The following MAD1L1 variants were observed in gnomAD, a reference collection of about 807,000 sequenced individuals.
MAD1L1 encodes the protein mitotic arrest deficient 1 like 1.
MAD1L1 carries 95 observed loss-of-function variants against 96.9 expected under a neutral mutation model. The observed-to-expected ratio is 0.98, with a 90% confidence interval of 0.83 to 1.16. The LOEUF (loss-of-function observed/expected upper bound fraction) is 1.16. MAD1L1 is among the 50% of genes most tolerant of loss of function. MAD1L1 has a pLI of 0.00. For missense variants in MAD1L1, 1,007 were observed against 954.4 expected (o/e 1.06, Z -0.73); for synonymous variants, 473 against 396.6 (o/e 1.19, Z -2.29).
chr7:2,025,348 G>A (rs775271007), intron 12 of MAD1L1, among the ~76,000 whole-genome samples: 12 of 152,210 alleles, frequency 7.9e-5, no homozygotes, highest in Non-Finnish European at 1.5e-4. Flanking sequence ...GCTTGTTTCC[G>A]AGCAGAACCA....
chr7:2,221,877 CAG>C (rs1444110212), intron 5 of MAD1L1, among the ~76,000 whole-genome samples: 1 of 152,174 alleles, frequency 6.6e-6, no homozygotes, highest in Non-Finnish European at 1.5e-5. Flanking sequence ...ACAACGGCTG[CAG>C]AGACCGCCAT....
rs116131417 is a variant in MAD1L1, at chr7:1,880,768, C to T, written c.1998+17432G>A. Among the ~76,000 whole-genome samples, 552 of 152,320 alleles carry T rather than the reference C, an allele frequency of 3.6e-3. 3 individuals are homozygous for T. Among genetic ancestry groups the T allele is most frequent in the South Asian group, 8.7e-3 (42 of 4,822 alleles). The stretch of plus-strand genomic sequence containing the variant: ...TAGGGCGTCCCAGTCACTCACAGGA[C>T]CCTGTGGAGGCAGGGATCTCACTGC... On this transcript the variant is annotated intron_variant, in intron 18 of 18. Transcript: ENST00000265854.
Position 2,120,240 on chromosome 7 carries a change from C to T in MAD1L1, c.1073+28912G>A, listed in dbSNP as rs1421954754. Among the ~76,000 whole-genome samples, 5 of 152,224 alleles carry T rather than the reference C, an allele frequency of 3.3e-5. No homozygotes were observed. The South Asian group carries it at 6.2e-4, about 19-fold the overall frequency. On this transcript the variant is annotated intron_variant, in intron 11 of 18. Transcript: ENST00000265854. ...AGGACCATTCCTTACAGACTGGCTG[C>T]GGCGTGTGCTTACCCCAACAGCCCC...
chr7:2,191,780 C>A (rs927564205), intron 10 of MAD1L1, among the ~76,000 whole-genome samples: 2 of 151,792 alleles, frequency 1.3e-5, no homozygotes, highest in Admixed American at 6.6e-5. Context: ...CGCCTGTAAT[C>A]CCAGCACTTT....
At chr7:1,925,245 G>A (rs531128980) in intron 17 of MAD1L1, among the ~76,000 whole-genome samples, 5 of 152,152 alleles carry the variant, frequency 3.3e-5, no homozygotes, top group South Asian at 4.1e-4. Context: ...AAAGTGAATC[G>A]TAGAAAGTGC....
At chr7:2,031,384 C>A (rs1383004487) in intron 12 of MAD1L1, among the ~76,000 whole-genome samples, 1 of 152,242 alleles carries the variant, frequency 6.6e-6, no homozygotes, top group African/African-American at 2.4e-5. Context: ...GGCTCCCCAC[C>A]AGCAAGCCTG....
chr7:2,075,363 C>T (rs781390937), intron 11 of MAD1L1, among the ~76,000 whole-genome samples: 23 of 152,214 alleles, frequency 1.5e-4, no homozygotes, highest in Admixed American at 6.5e-4. Context: ...GCACCGGGAC[C>T]CAGCACGCTG....
chr7:1,841,742 C>T (rs2128632908), intron 18 of MAD1L1, among the ~76,000 whole-genome samples: 1 of 152,374 alleles, frequency 6.6e-6, no homozygotes, highest in East Asian at 1.9e-4. Flanking sequence ...TCGGCCGTCA[C>T]TCTGCTGTCC....
intron 18 of MAD1L1, among the ~76,000 whole-genome samples, chr7:1,868,709 C>T (rs555795621): frequency 1.3e-5 from 2 of 152,326 alleles, no homozygotes; most frequent in South Asian, 2.1e-4. Context: ...TAACCAGAGG[C>T]GAGAGTTCTC....
At chr7:2,061,346 TAATAAAATTAAAATAA>T (rs1784651201) in intron 12 of MAD1L1, among the ~76,000 whole-genome samples, 1 of 146,882 alleles carries the variant, frequency 6.8e-6, no homozygotes, top group Admixed American at 6.9e-5. Context: ...CAAAAAATAA[TAATAAAATTAAAATAA>T]AATAAAATAA....
chr7:2,054,503 T>A (rs746220628), intron 12 of MAD1L1, among the ~76,000 whole-genome samples: 20 of 152,196 alleles, frequency 1.3e-4, no homozygotes, highest in Non-Finnish European at 2.5e-4. Flanking sequence ...TGCAGCAGTG[T>A]CTGTGACAAG....
chr7:2,232,039 G>A (rs573600446), intron 1 of MAD1L1, among the ~76,000 whole-genome samples: 4 of 152,302 alleles, frequency 2.6e-5, no homozygotes, highest in South Asian at 2.1e-4. Context: ...GTTACAGAAC[G>A]GAGATTGGAA....
At chr7:1,894,735 C>T (rs116133427) in intron 18 of MAD1L1, among the ~76,000 whole-genome samples, 71 of 151,988 alleles carry the variant, frequency 4.7e-4, no homozygotes, top group African/African-American at 1.6e-3. Context: ...GTGCTAGGCA[C>T]AGCTGCTAGC....
intron 15 of MAD1L1, among the ~76,000 whole-genome samples, chr7:1,963,771 C>T (rs1219213690): frequency 2.0e-5 from 3 of 152,214 alleles, no homozygotes; most frequent in Non-Finnish European, 4.4e-5. Context: ...ACACCAACAT[C>T]CTGAGCATGG....
At chr7:1,854,330 C>T in intron 18 of MAD1L1, 1 of 464,526 alleles carries the variant, frequency 2.2e-6, no homozygotes, top group Non-Finnish European at 4.3e-6. Context: ...GCCCCGGCAG[C>T]TCGTCCCCAA....
intron 18 of MAD1L1, chr7:1,874,682 G>A: frequency 2.7e-6 from 1 of 374,838 alleles, no homozygotes; most frequent in Non-Finnish European, 5.3e-6. Context: ...CACACCACCT[G>A]CTACCTGCTC....
intron 15 of MAD1L1, among the ~76,000 whole-genome samples, chr7:1,980,082 G>A (rs1174279612): frequency 3.3e-5 from 5 of 152,206 alleles, no homozygotes; most frequent in African/African-American, 1.2e-4. Flanking sequence ...ACCCACGGGG[G>A]AGCACACAGA....
Position 2,086,683 on chromosome 7 carries a change from C to G in MAD1L1, c.1074-17345G>C, listed in dbSNP as rs193102841. Among the ~76,000 whole-genome samples, 20 of 152,332 alleles carry G rather than the reference C, an allele frequency of 1.3e-4. 1 individual carries two copies. Among genetic ancestry groups the G allele is most frequent in the African/African-American group, 4.3e-4 (18 of 41,580 alleles). ...AATTCTGCCTCAGCCTCCAGAGTAG[C>G]TGGGATTACAGTTGCCTGCCACCAC... On this transcript the variant is annotated intron_variant, in intron 11 of 18. Coordinates refer to ENST00000265854, the MANE Select transcript of MAD1L1 (RefSeq NM_001013836.2).
chr7:1,902,919 C>T (rs1458847287), intron 17 of MAD1L1, among the ~76,000 whole-genome samples: 2 of 150,492 alleles, frequency 1.3e-5, no homozygotes, highest in African/African-American at 4.9e-5. Context: ...CTATGGAAGA[C>T]GTTCTTGTGG....
Sources: gnomAD v4.1 joint callset for allele counts (sites outside exome capture counted in the v4.1 genomes callset) on GRCh38, gnomAD v4.1.1 for gene constraint, MANE v1.5 for transcripts, NCBI Gene and HGNC (gene_info 2026-07-23, HGNC 2026-07-21) for gene names.